PCDH15: variants seen among roughly 807,000 people sequenced by gnomAD.
PCDH15 encodes protocadherin-15.
In PCDH15, 129 loss-of-function variants were observed where a neutral mutation model predicts 178.5. The ratio of observed to expected loss-of-function variants is 0.72; its 90% CI spans 0.63 to 0.84. The LOEUF (loss-of-function observed/expected upper bound fraction) is 0.84, where lower values mean the gene tolerates loss of function less well. Among genes scored for constraint, PCDH15 ranks in the 40% least tolerant of loss-of-function variants. The pLI is 0.00. For missense variants in PCDH15, 2,230 were observed against 2,099.9 expected (o/e 1.06, Z -1.21); for synonymous variants, 800 against 732.0 (o/e 1.09, Z -1.50).
intron 2 of PCDH15, among the ~76,000 whole-genome samples, chr10:55,059,090 G>T (rs1329811620): frequency 6.6e-6 from 1 of 152,120 alleles, no homozygotes; most frequent in Non-Finnish European, 1.5e-5. Context: ...CTGCAACATG[G>T]TCACTGGAGC....
chr10:54,204,158 C>T (rs2050534434), intron 10 of PCDH15, among the ~76,000 whole-genome samples: 1 of 151,952 alleles, frequency 6.6e-6, no homozygotes, highest in Non-Finnish European at 1.5e-5. Context: ...ATTTTGAAAT[C>T]AAAATGTTAA....
chr10:53,838,043 C>T (rs1807888), intron 29 of PCDH15, among the ~76,000 whole-genome samples: 62,613 of 151,320 alleles, frequency 0.41, 13,484 homozygotes, highest in East Asian at 0.75. Context: ...GTGGCATGAT[C>T]TTGCTCACTG....
intron 3 of PCDH15, among the ~76,000 whole-genome samples, chr10:54,836,541 A>T (rs1458985180): frequency 1.3e-5 from 2 of 152,126 alleles, no homozygotes; most frequent in African/African-American, 2.4e-5. Context: ...AAACCTTGAA[A>T]ATGGTGTGAT....
In PCDH15 at chr10:53,837,033, G is replaced by T. The variant is rs1005155422; in HGVS notation, c.3983+3287C>A. Among the ~76,000 whole-genome samples, 8 of 144,450 alleles carry T rather than the reference G, an allele frequency of 5.5e-5. No individual in the cohort carries two copies. In the East Asian group the frequency reaches 1.6e-3, roughly 30 times the overall value. The allele number at this position is 144,450 out of a possible 152,430, so 94.8% of individuals were successfully genotyped here. A position where few individuals can be genotyped will look rare whatever the true frequency, so the allele number is the denominator to read the frequency against. On this transcript the variant is annotated intron_variant, in intron 29 of 37. Coordinates refer to ENST00000644397, the MANE Select transcript of PCDH15 (RefSeq NM_001384140.1). The stretch of plus-strand genomic sequence containing the variant: ...AATAGGCTAACACAGATGAATCAGT[G>T]AATTCAAAAATAGGGCAGTAAATAT...
intron 1 of PCDH15, among the ~76,000 whole-genome samples, chr10:55,211,489 T>C (rs1004368681): frequency 6.6e-6 from 1 of 152,108 alleles, no homozygotes; most frequent in African/African-American, 2.4e-5. Flanking sequence ...GAAAAAGAAA[T>C]TCACATAGAG....
chr10:55,440,611 G>A (rs1359366211), intron 2 of PCDH15, among the ~76,000 whole-genome samples: 1 of 152,000 alleles, frequency 6.6e-6, no homozygotes, highest in Non-Finnish European at 1.5e-5. Flanking sequence ...ACTAATAAGG[G>A]GAAATAAATA....
intron 2 of PCDH15, among the ~76,000 whole-genome samples, chr10:54,592,450 A>G (rs1412116973): frequency 2.6e-5 from 4 of 152,076 alleles, no homozygotes; most frequent in African/African-American, 4.8e-5. Context: ...TTGTATATGC[A>G]TACATTGTGA....
At chr10:54,956,398 C>T (rs535006592) in intron 2 of PCDH15, among the ~76,000 whole-genome samples, 1 of 151,382 alleles carries the variant, frequency 6.6e-6, no homozygotes, top group East Asian at 1.9e-4. Flanking sequence ...AATAAATTAT[C>T]CAAAAAATAG....
At chr10:53,808,519 C>A (rs550719086) in intron 37 of PCDH15, 2 of 1,426,880 alleles carry the variant, frequency 1.4e-6, no homozygotes, top group African/African-American at 1.4e-5. Flanking sequence ...GTCTAATATA[C>A]AAATGGATTT....
intron 1 of PCDH15, among the ~76,000 whole-genome samples, chr10:55,244,395 C>T (rs768127282): frequency 1.3e-5 from 2 of 152,100 alleles, no homozygotes; most frequent in Non-Finnish European, 2.9e-5. Flanking sequence ...AGTTTCCCCT[C>T]TACTTGAACC....
At chr10:54,959,381 A>G (rs550356451) in intron 2 of PCDH15, among the ~76,000 whole-genome samples, 4 of 152,122 alleles carry the variant, frequency 2.6e-5, no homozygotes, top group Non-Finnish European at 5.9e-5. Flanking sequence ...TGAATTAGAA[A>G]AACCACCATT....
chr10:54,628,551 T>G (rs2093619872), intron 2 of PCDH15, among the ~76,000 whole-genome samples: 1 of 152,210 alleles, frequency 6.6e-6, no homozygotes, highest in African/African-American at 2.4e-5. Context: ...TACTGGTATC[T>G]TAGAAGTCAT....
chr10:55,286,243 A>G (rs1229861564), intron 1 of PCDH15, among the ~76,000 whole-genome samples: 1 of 151,980 alleles, frequency 6.6e-6, no homozygotes, highest in East Asian at 1.9e-4. Context: ...CATTAAAAAA[A>G]TACTAAGCAA....
At chr10:54,242,167 TATATATATATATATATATATACAC>T (rs1163367862) in intron 8 of PCDH15, among the ~76,000 whole-genome samples, 1 of 102,700 alleles carries the variant, frequency 9.7e-6, no homozygotes, top group African/African-American at 4.1e-5. Context: ...TATATATATA[TATATATATATATATATATATACAC>T]ACACACACAT....
rs188692834 is a variant in PCDH15 at position 54,032,347 on chromosome 10, C to A, written c.2221-9150G>T. Among the ~76,000 whole-genome samples the A allele has an allele frequency of 1.8e-3, 277 of 151,956 alleles. 1 individual carries two copies. Among genetic ancestry groups the A allele is most frequent in the African/African-American group, 5.9e-3 (245 of 41,476 alleles). ...ACATGCCCTATTGCTTTTTTTCTGT[C>A]ATTTTTTAATAGCCCACATGAAATT... On this transcript the variant is annotated intron_variant, in intron 18 of 37. Coordinates refer to ENST00000644397, the MANE Select transcript of PCDH15 (RefSeq NM_001384140.1).
intron 8 of PCDH15, among the ~76,000 whole-genome samples, chr10:54,276,921 C>T (rs745354663): frequency 1.3e-5 from 2 of 151,550 alleles, no homozygotes; most frequent in Non-Finnish European, 3.0e-5. Context: ...GGTATTATTT[C>T]TTGTATCTAC....
At chr10:55,399,542 C>T (rs1381091647) in intron 2 of PCDH15, among the ~76,000 whole-genome samples, 1 of 152,106 alleles carries the variant, frequency 6.6e-6, no homozygotes, top group African/African-American at 2.4e-5. Flanking sequence ...ACAAATTCTG[C>T]TTCAATCCCT....
chr10:54,516,158 C>T (rs914692175), intron 3 of PCDH15, among the ~76,000 whole-genome samples: 33 of 152,140 alleles, frequency 2.2e-4, no homozygotes, highest in South Asian at 2.1e-4. Flanking sequence ...AATGCTTTGA[C>T]GAGCTGAGAG....
intron 3 of PCDH15, among the ~76,000 whole-genome samples, chr10:54,434,797 C>G (rs192247078): frequency 2.0e-4 from 30 of 152,280 alleles, no homozygotes; most frequent in African/African-American, 7.2e-4. Flanking sequence ...TCCCTTAACA[C>G]AAAAATTATG....
Sources: allele counts gnomAD v4.1 joint callset (sites outside exome capture counted in the v4.1 genomes callset), GRCh38; gene constraint gnomAD v4.1.1; transcripts MANE v1.5; gene names NCBI Gene and HGNC (gene_info 2026-07-23, HGNC 2026-07-21).